ANKRD17: variants seen among roughly 807,000 people sequenced by gnomAD.
ANKRD17 encodes ankyrin repeat domain 17, also known as ankyrin repeat domain-containing protein 17.
ANKRD17 carries 19 observed loss-of-function variants against 229.7 expected under a neutral mutation model. The observed-to-expected ratio is 0.08, with a 90% CI of 0.06 to 0.12. The LOEUF (loss-of-function observed/expected upper bound fraction) is 0.12. Among genes scored for constraint, ANKRD17 ranks in the 10% least tolerant of loss-of-function variants. The pLI, the probability that ANKRD17 is intolerant of heterozygous loss-of-function variation, is 1.00. For synonymous variants in ANKRD17, 1,112 were observed against 1,146.1 expected (o/e 0.97, Z 0.60); for missense variants, 2,176 against 3,176.8 (o/e 0.68, Z 7.57).
At chr4:73,192,895 CTTCTT>C (rs1287881595) in intron 1 of ANKRD17, among the ~76,000 whole-genome samples, 2 of 152,148 alleles carry the variant, frequency 1.3e-5, no homozygotes, top group South Asian at 2.1e-4. Context: ...ATTATGTTCT[CTTCTT>C]TTAATTCTTT....
intron 8 of ANKRD17, among the ~76,000 whole-genome samples, chr4:73,148,533 T>C (rs1174932786): frequency 1.3e-5 from 2 of 152,180 alleles, no homozygotes; most frequent in Non-Finnish European, 2.9e-5. Flanking sequence ...TGTTGGCTCT[T>C]ATATTCCCCT....
At chr4:73,196,673 AAT>A (rs1737929681) in intron 1 of ANKRD17, among the ~76,000 whole-genome samples, 1 of 152,188 alleles carries the variant, frequency 6.6e-6, no homozygotes, top group Non-Finnish European at 1.5e-5. Flanking sequence ...ATCTCATCCA[AAT>A]AGTGAAAGTT....
intron 10 of ANKRD17, 126 bp from the exon 11 acceptor site, chr4:73,144,958 G>A: frequency 3.7e-6 from 2 of 546,312 alleles, no homozygotes; most frequent in Non-Finnish European, 6.0e-6. Flanking sequence ...ATAATGCTTT[G>A]AAGCAAATTA....
chr4:73,086,919 A>AAAAAAAAAAAATATATAT (rs1553911000), intron 29 of ANKRD17, among the ~76,000 whole-genome samples: 1 of 12,464 alleles, frequency 8.0e-5, no homozygotes, highest in Non-Finnish European at 1.8e-4. Context: ...AAAAAAAAAA[A>AAAAAAAAAAAATATATAT]ATATATATAT....
At chr4:73,109,641 T>G (rs998206299) in intron 24 of ANKRD17, among the ~76,000 whole-genome samples, 2 of 152,140 alleles carry the variant, frequency 1.3e-5, no homozygotes, top group Admixed American at 6.6e-5. Flanking sequence ...AAATGCAGCA[T>G]TTTAACTACT....
chr4:73,125,365 T>C, intron 16 of ANKRD17, 53 bp from the exon 17 acceptor site: 1 of 1,186,440 alleles, frequency 8.4e-7, no homozygotes, highest in Admixed American at 1.9e-5. Context: ...GATGTTAATA[T>C]CAAATACATA....
chr4:73,198,464 T>C (rs140108905), intron 1 of ANKRD17, among the ~76,000 whole-genome samples: 1 of 152,248 alleles, frequency 6.6e-6, no homozygotes, highest in East Asian at 1.9e-4. Flanking sequence ...CTCAAAAATC[T>C]CCAAGAAATT....
At chr4:73,173,460 A>ATG (rs1359306698) in intron 2 of ANKRD17, among the ~76,000 whole-genome samples, 11 of 152,218 alleles carry the variant, frequency 7.2e-5, no homozygotes, top group African/African-American at 2.2e-4. Context: ...GACAGGGCTA[A>ATG]TGTGCAGCTC....
chr4:73,126,162 T>A (rs1367908919), intron 16 of ANKRD17, among the ~76,000 whole-genome samples: 2 of 152,034 alleles, frequency 1.3e-5, no homozygotes, highest in African/African-American at 4.8e-5. Flanking sequence ...TGGAGCAGAT[T>A]ATTGAAGAGG....
intron 1 of ANKRD17, among the ~76,000 whole-genome samples, chr4:73,188,568 G>C (rs758660502): frequency 2.6e-5 from 4 of 152,142 alleles, no homozygotes; most frequent in Non-Finnish European, 5.9e-5. Flanking sequence ...CTGGGCGACA[G>C]AGTGAGACTC....
At chr4:73,237,600 A>T (rs1390302984) in intron 1 of ANKRD17, among the ~76,000 whole-genome samples, 1 of 152,112 alleles carries the variant, frequency 6.6e-6, no homozygotes, top group Non-Finnish European at 1.5e-5. Context: ...TGAGTTAGAG[A>T]TACATTCTAA....
chr4:73,255,270 A>G (rs529020348), intron 1 of ANKRD17, among the ~76,000 whole-genome samples: 4 of 152,062 alleles, frequency 2.6e-5, no homozygotes, highest in Non-Finnish European at 2.9e-5. Flanking sequence ...GTTTCCTTCC[A>G]TTTTTCCTCT....
chr4:73,144,768 G>A lies in ANKRD17; in HGVS notation c.1934C>T (p.Thr645Ile), dbSNP rs376586263. The change falls in exon 11 of 34, where the codon ACT (threonine) becomes ATT (isoleucine). Residue 645 changes from threonine to isoleucine, a missense_variant. By Grantham distance (89) the Thr-to-Ile change is moderately conservative. Coordinates refer to ENST00000358602, the MANE Select transcript of ANKRD17 (RefSeq NM_032217.5). ...MKAARAGHVC[T>I]VQFLISKGAN... The stretch of plus-strand genomic sequence containing the variant: ...ACCTTTACTAATTAAGAACTGAACA[G>A]TACAAACATGACCAGCTCTTGCAGC... 4 of 1,602,196 alleles carry A rather than the reference G, an allele frequency of 2.5e-6. No homozygotes were observed. In the African/African-American group the frequency reaches 4.1e-5, roughly 16 times the overall value.
In ANKRD17 at chr4:73,076,272, C is replaced by A. The variant is rs1310041956; in HGVS notation, c.7771G>T (p.Ala2591Ser). ...GPQTVWTGPW[A>S]PHMNSVHMNQ... Reference sequence around the variant, plus strand: ...ATATGCACACTGTTCATGTGAGGTGCCCAGGGTCCAGTCCACACCTATGAA... The same window carrying A: ...ATATGCACACTGTTCATGTGAGGTGACCAGGGTCCAGTCCACACCTATGAA... Residue 2591 changes from alanine (A) to serine (S), a missense_variant, in exon 34 of 34, where the codon GCA becomes TCA. Around this residue, in one of 18 missense-constraint regions of ANKRD17, gnomAD observed 159 missense variants for 214.3 expected, o/e 0.74. Coordinates refer to ENST00000358602, the MANE Select transcript of ANKRD17 (RefSeq NM_032217.5). 2 of 1,610,238 alleles carry A rather than the reference C, an allele frequency of 1.2e-6. No homozygotes were observed. The highest frequency in any genetic ancestry group is 4.5e-5 in the East Asian group (2 of 44,546).
At chr4:73,191,976 T>C (rs541475734) in intron 1 of ANKRD17, among the ~76,000 whole-genome samples, 60 of 152,174 alleles carry the variant, frequency 3.9e-4, no homozygotes, top group African/African-American at 1.4e-3. Flanking sequence ...CATATATCCA[T>C]CAATACTATG....
intron 2 of ANKRD17, among the ~76,000 whole-genome samples, chr4:73,172,834 AAGAAATT>A (rs1370646623): frequency 6.6e-6 from 1 of 152,252 alleles, no homozygotes; most frequent in Non-Finnish European, 1.5e-5. Flanking sequence ...AATAAAAAGC[AAGAAATT>A]AAAACATATC....
At chr4:73,152,321 G>C (rs1472370821) in intron 6 of ANKRD17, among the ~76,000 whole-genome samples, 1 of 152,130 alleles carries the variant, frequency 6.6e-6, no homozygotes, top group East Asian at 1.9e-4. Flanking sequence ...ATAAGTAAGT[G>C]TAGTATCTGC....
intron 1 of ANKRD17, among the ~76,000 whole-genome samples, chr4:73,250,254 T>A (rs147688473): frequency 6.6e-6 from 1 of 152,118 alleles, no homozygotes; most frequent in Admixed American, 6.6e-5. Context: ...CCCATTCTTA[T>A]CAGCATAATT....
At chr4:73,107,975 G>A (rs990848287) in intron 24 of ANKRD17, among the ~76,000 whole-genome samples, 1 of 152,132 alleles carries the variant, frequency 6.6e-6, no homozygotes, top group South Asian at 2.1e-4. Context: ...TTAATTGTTT[G>A]AACCATGGTG....
Sources: gnomAD v4.1 joint callset for allele counts (sites outside exome capture counted in the v4.1 genomes callset) on GRCh38, gnomAD v4.1.1 for gene constraint, gnomAD v4.1.1 regional missense constraint, MANE v1.5 for transcripts, NCBI Gene and HGNC (gene_info 2026-07-23, HGNC 2026-07-21) for gene names.